RSPO4: variants seen among roughly 807,000 people sequenced by gnomAD.
RSPO4 encodes R-spondin-4.
RSPO4 carries 23 observed loss-of-function variants against 24.8 expected under a neutral mutation model. The ratio of observed to expected loss-of-function variants is 0.93; its 90% confidence interval spans 0.67 to 1.31. The LOEUF is 1.31. Ranked by LOEUF, RSPO4 falls within the 40% of genes most tolerant of loss-of-function variation. The probability of loss-of-function intolerance (pLI) is 0.00; values close to 1 mark genes in which losing one functional copy is unlikely to be tolerated. For synonymous variants in RSPO4, 141 were observed against 127.4 expected (o/e 1.11, Z -0.72); for missense variants, 333 against 316.5 (o/e 1.05, Z -0.39).
chr20:968,046 T>A lies in RSPO4; in HGVS notation c.172A>T (p.Ile58Phe), dbSNP rs200792773. The change falls in exon 2 of 5, where the codon ATC (isoleucine) becomes TTC (phenylalanine). Residue 58 changes from isoleucine to phenylalanine, a missense_variant. Coordinates refer to ENST00000217260, the MANE Select transcript of RSPO4 (RefSeq NM_001029871.4). ...STCQQRLFLFIRREGIRQYGK... is the reference protein window; with the variant it reads ...STCQQRLFLFFRREGIRQYGK... The stretch of plus-strand genomic sequence containing the variant: ...TACTGGCGGATGCCTTCCCGGCGGA[T>A]GAACAGGAAGAGCCTCTGCTGGCAG... The A allele has an allele frequency of 1.2e-6, 2 of 1,614,220 alleles. No individual in the cohort carries two copies. The highest frequency in any genetic ancestry group is 1.7e-6 in the Non-Finnish European group (2 of 1,180,028).
At chr20:966,823 C>T (rs1299918286) in intron 3 of RSPO4, among the ~76,000 whole-genome samples, 2 of 152,174 alleles carry the variant, frequency 1.3e-5, no homozygotes, top group Admixed American at 1.3e-4. Flanking sequence ...CCACTGCACT[C>T]CAGCTGGGCA....
intron 1 of RSPO4, among the ~76,000 whole-genome samples, chr20:973,888 G>A (rs1435855705): frequency 6.6e-6 from 1 of 152,138 alleles, no homozygotes; most frequent in Non-Finnish European, 1.5e-5. Flanking sequence ...CCTGGCAGTT[G>A]GCTAGGATGC....
At chr20:968,229 T>C (rs1600090458) in intron 1 of RSPO4, 91 bp from the exon 2 acceptor site, 1 of 1,217,282 alleles carries the variant, frequency 8.2e-7, no homozygotes, top group East Asian at 2.4e-5. Flanking sequence ...CTCATTGGGA[T>C]AGTAACTGGG....
intron 1 of RSPO4, among the ~76,000 whole-genome samples, chr20:1,000,613 G>A (rs369199222): frequency 1.2e-4 from 18 of 152,178 alleles, no homozygotes; most frequent in East Asian, 5.8e-4. Context: ...ACCCTCAGAT[G>A]GGTAAAGTGA....
At chr20:976,794 C>A (rs1984579500) in intron 1 of RSPO4, among the ~76,000 whole-genome samples, 1 of 151,890 alleles carries the variant, frequency 6.6e-6, no homozygotes, top group South Asian at 2.1e-4. Context: ...AAGCCTAGCC[C>A]CATACATTTT....
chr20:1,000,440 G>C (rs560095263), intron 1 of RSPO4, among the ~76,000 whole-genome samples: 4 of 152,080 alleles, frequency 2.6e-5, no homozygotes, highest in African/African-American at 9.7e-5. Flanking sequence ...TAATACTTAC[G>C]AGCACCCATT....
intron 1 of RSPO4, among the ~76,000 whole-genome samples, chr20:969,402 TGAG>T (rs1984339415): frequency 6.6e-6 from 1 of 152,066 alleles, no homozygotes. Context: ...GCCAACGAAG[TGAG>T]GAGATGCCAG....
chr20:989,219 C>A (rs1255467041), intron 1 of RSPO4, among the ~76,000 whole-genome samples: 1 of 152,114 alleles, frequency 6.6e-6, no homozygotes, highest in Non-Finnish European at 1.5e-5. Flanking sequence ...AACTGCCCAG[C>A]CCCTGGAAGT....
At chr20:968,208 GC>G in intron 1 of RSPO4, 70 bp from the exon 2 acceptor site, 1 of 1,423,578 alleles carries the variant, frequency 7.0e-7, no homozygotes, top group East Asian at 2.3e-5. Context: ...TATGCGAGCA[GC>G]TGAGATGGTC....
Position 1,002,237 on chromosome 20 carries a change from C to A in RSPO4, c.-73G>T. 3 of 1,114,828 alleles carry A rather than the reference C, an allele frequency of 2.7e-6. No individual in the cohort carries two copies. Among genetic ancestry groups the A allele is most frequent in the Non-Finnish European group, 3.5e-6 (3 of 862,474 alleles). The allele number at this position is 1,114,828 out of a possible 1,614,324, so 69.1% of individuals were successfully genotyped here. A position where few individuals can be genotyped will look rare whatever the true frequency, so the allele number is the denominator to read the frequency against. On this transcript the variant is annotated 5_prime_UTR_variant, in exon 1 of 5. Transcript: ENST00000217260. This position sits in a 1 kb window ranked among gnomAD's most constrained non-coding sequence, Gnocchi z 4.6. ...CAAGGGCCCCACGTCCCGGCGGCGG[C>A]ACGGCGGGCGCGGGGGCTGCTGTGG... is the stretch of plus-strand genomic sequence containing the variant.
chr20:968,286 A>G (rs1473685424), intron 1 of RSPO4, 148 bp from the exon 2 acceptor site: 3 of 698,150 alleles, frequency 4.3e-6, no homozygotes, highest in Admixed American at 4.5e-5. Context: ...CTTCCCTTAC[A>G]ACTAGATATG....
At chr20:963,876 C>T (rs537610914) in intron 4 of RSPO4, 59 bp downstream of exon 4, 497 of 1,548,340 alleles carry the variant, frequency 3.2e-4, no homozygotes, top group Non-Finnish European at 4.1e-4. Flanking sequence ...TGATCTGAGT[C>T]CGCCCTGTCC....
chr20:983,326 T>C (rs1255125201), intron 1 of RSPO4, among the ~76,000 whole-genome samples: 1 of 152,230 alleles, frequency 6.6e-6, no homozygotes, highest in African/African-American at 2.4e-5. Flanking sequence ...TTGGTCTTGA[T>C]AAAGAACTTT....
At chr20:979,484 C>T (rs895379399) in intron 1 of RSPO4, among the ~76,000 whole-genome samples, 6 of 152,164 alleles carry the variant, frequency 3.9e-5, no homozygotes, top group African/African-American at 1.4e-4. Flanking sequence ...TTATTTGCTG[C>T]GGGTTTCACT....
At chr20:999,344 G>C (rs890266719) in intron 1 of RSPO4, among the ~76,000 whole-genome samples, 9 of 152,094 alleles carry the variant, frequency 5.9e-5, no homozygotes, top group Non-Finnish European at 2.9e-5. Flanking sequence ...TCTTCAGCAT[G>C]CTCTGATAAG....
At chr20:983,769 G>A (rs965619590) in intron 1 of RSPO4, among the ~76,000 whole-genome samples, 2 of 152,190 alleles carry the variant, frequency 1.3e-5, no homozygotes, top group Non-Finnish European at 2.9e-5. Flanking sequence ...CAATGTGGGA[G>A]CTGCTAGCAG....
At chr20:983,537 C>G (rs546013992) in intron 1 of RSPO4, among the ~76,000 whole-genome samples, 7 of 152,256 alleles carry the variant, frequency 4.6e-5, no homozygotes, top group Non-Finnish European at 8.8e-5. Flanking sequence ...CCCTAAGGAA[C>G]CTTTGAACCC....
At position 960,204 on chromosome 20, in the gene RSPO4, G is replaced by T; in HGVS notation, c.*153C>A. On this transcript the variant is annotated 3_prime_UTR_variant, in exon 5 of 5. Coordinates refer to ENST00000217260, the MANE Select transcript of RSPO4 (RefSeq NM_001029871.4). The stretch of plus-strand genomic sequence containing the variant: ...AAATAAAAAAGAAAAAGAAAGGGAA[G>T]GTAGACTGACAGAAAAATGATAGAA... 1 of 618,778 alleles carries T rather than the reference G, an allele frequency of 1.6e-6. No individual in the cohort carries two copies. The allele number at this position is 618,778 out of a possible 1,614,324, so 38.3% of individuals were successfully genotyped here.
chr20:993,410 G>A (rs1985174482), intron 1 of RSPO4, among the ~76,000 whole-genome samples: 1 of 152,230 alleles, frequency 6.6e-6, no homozygotes, highest in Non-Finnish European at 1.5e-5. Context: ...GCGGGGCTGA[G>A]GGCAAATGTG....
Sources: gnomAD v4.1 joint callset for allele counts (sites outside exome capture counted in the v4.1 genomes callset) on GRCh38, gnomAD v4.1.1 for gene constraint, Gnocchi (gnomAD v3.1) non-coding constraint, MANE v1.5 for transcripts, NCBI Gene and HGNC (gene_info 2026-07-23, HGNC 2026-07-21) for gene names.